Variants in SPAG16 observed in about 807,000 individuals in gnomAD.
The protein encoded by SPAG16 is sperm-associated antigen 16 protein.
Under a neutral mutation model 80.4 loss-of-function variants are expected in SPAG16, and 86 were observed. That is an observed-to-expected ratio of 1.07 (90% CI 0.90 to 1.28). The LOEUF (loss-of-function observed/expected upper bound fraction) is 1.28. SPAG16 is among the 50% of genes most tolerant of loss of function. SPAG16 has a pLI of 0.00. For synonymous variants in SPAG16, 294 were observed against 265.9 expected (o/e 1.11, Z -1.03); for missense variants, 870 against 765.3 (o/e 1.14, Z -1.61).
At chr2:213,704,692 T>C (rs2065659319) in intron 10 of SPAG16, among the ~76,000 whole-genome samples, 1 of 152,210 alleles carries the variant, frequency 6.6e-6, no homozygotes, top group Non-Finnish European at 1.5e-5. Context: ...GCGTTGTCCC[T>C]TCCTTTTTCA....
At chr2:214,129,445 G>A (rs1333108766) in intron 14 of SPAG16, among the ~76,000 whole-genome samples, 1 of 152,050 alleles carries the variant, frequency 6.6e-6, no homozygotes, top group Non-Finnish European at 1.5e-5. Context: ...CAGGTTTTTG[G>A]TTGTTTCAGG....
chr2:213,297,091 G>A (rs902408059), intron 2 of SPAG16, 171 bp from the exon 3 acceptor site: 1 of 1,460,948 alleles, frequency 6.8e-7, no homozygotes, highest in African/African-American at 1.4e-5. Flanking sequence ...TTACAAGGAA[G>A]TCAGAAGAAA....
At chr2:213,431,712 GA>G (rs1575574972) in intron 9 of SPAG16, among the ~76,000 whole-genome samples, 1 of 151,918 alleles carries the variant, frequency 6.6e-6, no homozygotes, top group East Asian at 1.9e-4. Flanking sequence ...AAACAACAAA[GA>G]AACACTGGAC....
chr2:214,319,602 G>GTGAC (rs952403866), intron 15 of SPAG16, among the ~76,000 whole-genome samples: 2 of 152,098 alleles, frequency 1.3e-5, no homozygotes, highest in African/African-American at 4.8e-5. Flanking sequence ...CCAAGGCTGG[G>GTGAC]TGACAGAGAC....
chr2:213,555,350 G>C (rs201948301), intron 10 of SPAG16, among the ~76,000 whole-genome samples: 1 of 152,202 alleles, frequency 6.6e-6, no homozygotes, highest in South Asian at 2.1e-4. Context: ...GGCAGCTTCC[G>C]ACACACTGTT....
intron 13 of SPAG16, among the ~76,000 whole-genome samples, chr2:214,035,617 A>G (rs894103055): frequency 6.6e-6 from 1 of 152,148 alleles, no homozygotes; most frequent in South Asian, 2.1e-4. Context: ...GTGCGCCAGG[A>G]GCAGGGAGAG....
chr2:213,585,281 A>T (rs1209491676), intron 10 of SPAG16, among the ~76,000 whole-genome samples: 1 of 144,758 alleles, frequency 6.9e-6, no homozygotes, highest in Non-Finnish European at 1.5e-5. Context: ...ATGATGAAAG[A>T]TTTTTTTTTT....
At chr2:214,002,814 T>C (rs1266203231) in intron 12 of SPAG16, among the ~76,000 whole-genome samples, 1 of 152,170 alleles carries the variant, frequency 6.6e-6, no homozygotes, top group Non-Finnish European at 1.5e-5. Flanking sequence ...CCCTCTTACA[T>C]TGGCGAGGGA....
intron 15 of SPAG16, among the ~76,000 whole-genome samples, chr2:214,215,365 C>T (rs187640555): frequency 1.2e-4 from 18 of 152,160 alleles, no homozygotes; most frequent in African/African-American, 4.1e-4. Flanking sequence ...ACTGGCCTCA[C>T]GGAAGATATT....
chr2:213,461,436 T>C (rs1014840121), intron 9 of SPAG16, among the ~76,000 whole-genome samples: 2 of 152,206 alleles, frequency 1.3e-5, no homozygotes, highest in African/African-American at 2.4e-5. Flanking sequence ...AATACATAGA[T>C]GAATGATGTG....
At chr2:213,481,805 C>T (rs1175693113) in intron 9 of SPAG16, among the ~76,000 whole-genome samples, 2 of 152,216 alleles carry the variant, frequency 1.3e-5, no homozygotes, top group African/African-American at 4.8e-5. Flanking sequence ...TGAATTGGAT[C>T]ATTATTCCCA....
intron 14 of SPAG16, among the ~76,000 whole-genome samples, chr2:214,144,635 G>T (rs1406350050): frequency 6.6e-6 from 1 of 151,840 alleles, no homozygotes; most frequent in Admixed American, 6.6e-5. Context: ...TTTCTAGTAT[G>T]CAGTATAACT....
intron 12 of SPAG16, among the ~76,000 whole-genome samples, chr2:213,945,649 C>T (rs2079418277): frequency 6.6e-6 from 1 of 152,220 alleles, no homozygotes; most frequent in South Asian, 2.1e-4. Flanking sequence ...TCTCTTTTGG[C>T]AACACCCTCA....
intron 10 of SPAG16, among the ~76,000 whole-genome samples, chr2:213,756,490 A>G (rs2068340416): frequency 6.6e-6 from 1 of 152,128 alleles, no homozygotes. Flanking sequence ...ATAAAAATCT[A>G]TGCCCAGATA....
chr2:213,736,044 T>C lies in SPAG16; in HGVS notation c.1071-126441T>C, dbSNP rs2372098. Among the ~76,000 whole-genome samples, 1,272 of 152,322 alleles carry C rather than the reference T, an allele frequency of 8.4e-3. 12 individuals carry two copies. Among genetic ancestry groups the C allele is most frequent in the African/African-American group, 0.028 (1,174 of 41,572 alleles). ...GCTCAATGTCACTGAGGTAGAATTT[T>C]AATACAGCTTAATAAAAATTTAAAA... is the stretch of plus-strand genomic sequence containing the variant. On this transcript the variant is annotated intron_variant, in intron 10 of 15. Transcript: ENST00000331683.
chr2:213,869,243 A>T lies in SPAG16; in HGVS notation c.1214+6615A>T, dbSNP rs545592664. Among the ~76,000 whole-genome samples, 158 of 134,204 alleles carry T rather than the reference A, an allele frequency of 1.2e-3. 1 individual carries two copies. Among genetic ancestry groups the T allele is most frequent in the Non-Finnish European group, 1.4e-3 (89 of 63,936 alleles). The allele number at this position is 134,204 out of a possible 152,430, so 88.0% of individuals were successfully genotyped here. On this transcript the variant is annotated intron_variant, in intron 11 of 15. Transcript: ENST00000331683. ...ACTCTAGCCTGGGCAACAAGAGCTA[A>T]AGTCCATGTCAAAAAAAAAAAATAT...
At chr2:213,325,407 A>G (rs2063800344) in intron 5 of SPAG16, among the ~76,000 whole-genome samples, 1 of 152,056 alleles carries the variant, frequency 6.6e-6, no homozygotes, top group African/African-American at 2.4e-5. Flanking sequence ...GGTAGAAGCT[A>G]GAAGTTAATT....
At chr2:213,702,322 G>T (rs546888182) in intron 10 of SPAG16, among the ~76,000 whole-genome samples, 58 of 152,348 alleles carry the variant, frequency 3.8e-4, no homozygotes, top group South Asian at 1.2e-3. Context: ...ACCCGCTTGG[G>T]TCTCTTTTCA....
At chr2:213,899,397 A>G (rs1423033780) in intron 11 of SPAG16, among the ~76,000 whole-genome samples, 3 of 152,162 alleles carry the variant, frequency 2.0e-5, no homozygotes, top group Non-Finnish European at 4.4e-5. Context: ...ACTTGCAACC[A>G]AATGAACTGT....
Sources: allele counts gnomAD v4.1 joint callset (sites outside exome capture counted in the v4.1 genomes callset), GRCh38; gene constraint gnomAD v4.1.1; transcripts MANE v1.5; gene names NCBI Gene and HGNC (gene_info 2026-07-23, HGNC 2026-07-21).